Variants in MARCHF3 observed in about 807,000 individuals in gnomAD.
MARCHF3 encodes the protein membrane associated ring-CH-type finger 3, also known as E3 ubiquitin-protein ligase MARCHF3.
Under a neutral mutation model 24.2 loss-of-function variants are expected in MARCHF3, and 13 were observed. The observed-to-expected ratio is 0.54, with a 90% CI of 0.35 to 0.85. The LOEUF is 0.85. MARCHF3 is among the 40% of genes least tolerant of loss of function. The probability of loss-of-function intolerance (pLI) is 0.01; values close to 1 mark genes in which losing one functional copy is unlikely to be tolerated. For synonymous variants in MARCHF3, 144 were observed against 137.3 expected, an observed-to-expected ratio of 1.05 and a Z score of -0.34; for missense variants, 276 against 325.0, an observed-to-expected ratio of 0.85 and a Z score of 1.16.
intron 3 of MARCHF3, among the ~76,000 whole-genome samples, chr5:126,886,180 T>G (rs780359335): frequency 1.3e-5 from 2 of 152,108 alleles, no homozygotes; most frequent in Non-Finnish European, 2.9e-5. Context: ...TTATTCCCAT[T>G]TTGGATTAGG....
At chr5:126,893,548 TC>T (rs1580609231) in intron 3 of MARCHF3, among the ~76,000 whole-genome samples, 1 of 152,024 alleles carries the variant, frequency 6.6e-6, no homozygotes, top group Admixed American at 6.6e-5. Flanking sequence ...TCGTTATGTA[TC>T]CAGTAGTCAT....
intron 1 of MARCHF3, among the ~76,000 whole-genome samples, chr5:127,009,367 T>C (rs901696295): frequency 2.0e-5 from 3 of 152,182 alleles, no homozygotes; most frequent in African/African-American, 7.2e-5. Flanking sequence ...CCAATCTAGG[T>C]TGTTTTTCTG....
chr5:126,987,358 G>C (rs534385658), intron 1 of MARCHF3, among the ~76,000 whole-genome samples: 8 of 152,130 alleles, frequency 5.3e-5, no homozygotes, highest in Admixed American at 3.3e-4. Flanking sequence ...CAGAAAAAAA[G>C]AAAGAAAATA....
intron 1 of MARCHF3, among the ~76,000 whole-genome samples, chr5:127,020,649 A>C (rs532124420): frequency 1.3e-5 from 2 of 152,268 alleles, no homozygotes; most frequent in Non-Finnish European, 2.9e-5. Flanking sequence ...TCAGGAGTTC[A>C]TGATCAGACT....
At position 126,919,593 on chromosome 5, in the gene MARCHF3, A is replaced by G. The variant is rs115140977; in HGVS notation, c.-56-1366T>C. On this transcript the variant is annotated intron_variant, in intron 1 of 4. Coordinates refer to ENST00000308660, the MANE Select transcript of MARCHF3 (RefSeq NM_178450.5). ...GATCCCCATGGTTCTGGAAAACAGG[A>G]TCTTCCCAACTTCCAGAACAATGTG... Among the ~76,000 whole-genome samples, 1,196 of 152,312 alleles carry G rather than the reference A, an allele frequency of 7.9e-3. 10 individuals carry two copies. Among genetic ancestry groups the G allele is most frequent in the African/African-American group, 0.028 (1,145 of 41,566 alleles).
intron 3 of MARCHF3, among the ~76,000 whole-genome samples, chr5:126,908,131 G>C (rs977218285): frequency 2.6e-5 from 4 of 152,142 alleles, no homozygotes; most frequent in African/African-American, 9.7e-5. Flanking sequence ...TTTTCTTTAA[G>C]AATGTTGAAT....
chr5:126,983,765 T>C (rs184668562), intron 1 of MARCHF3, among the ~76,000 whole-genome samples: 100 of 152,226 alleles, frequency 6.6e-4, no homozygotes, highest in Admixed American at 3.0e-3. Context: ...GAGCGCAGGA[T>C]GCAAAGGGTT....
intron 1 of MARCHF3, among the ~76,000 whole-genome samples, chr5:126,941,560 A>G (rs542070753): frequency 6.6e-6 from 1 of 152,348 alleles, no homozygotes; most frequent in East Asian, 1.9e-4. Flanking sequence ...ATGCGTTAAT[A>G]GTGCCTTGTG....
intron 3 of MARCHF3, among the ~76,000 whole-genome samples, chr5:126,888,534 T>C (rs1206688762): frequency 6.6e-6 from 1 of 152,212 alleles, no homozygotes; most frequent in African/African-American, 2.4e-5. Flanking sequence ...TCTCTAATTA[T>C]TTTAGATCAT....
At chr5:127,008,058 AG>A (rs1752363291) in intron 1 of MARCHF3, among the ~76,000 whole-genome samples, 1 of 152,138 alleles carries the variant, frequency 6.6e-6, no homozygotes, top group Non-Finnish European at 1.5e-5. Flanking sequence ...AGAACAGAGG[AG>A]GTGCAAATGT....
chr5:126,981,083 G>A (rs1051048735), intron 1 of MARCHF3, among the ~76,000 whole-genome samples: 1 of 152,146 alleles, frequency 6.6e-6, no homozygotes, highest in East Asian at 1.9e-4. Flanking sequence ...GATTGTTAGT[G>A]TGCAGCACTC....
At chr5:126,991,553 A>G (rs980148761) in intron 1 of MARCHF3, among the ~76,000 whole-genome samples, 29 of 152,088 alleles carry the variant, frequency 1.9e-4, no homozygotes, top group African/African-American at 6.5e-4. Flanking sequence ...ATAATAATAA[A>G]ATAAAATAAT....
At chr5:127,028,308 T>C (rs1239702849) in intron 1 of MARCHF3, among the ~76,000 whole-genome samples, 5 of 152,240 alleles carry the variant, frequency 3.3e-5, no homozygotes, top group Non-Finnish European at 2.9e-5. Context: ...TTTTTTAAAG[T>C]ATCAGTCACT....
intron 1 of MARCHF3, among the ~76,000 whole-genome samples, chr5:127,002,801 T>C (rs978675697): frequency 5.9e-5 from 9 of 152,228 alleles, no homozygotes; most frequent in Non-Finnish European, 1.2e-4. Flanking sequence ...CAACCCCTTC[T>C]TGGAACATTT....
intron 3 of MARCHF3, 55 bp from the exon 4 acceptor site, chr5:126,878,449 G>GTCTCCACTCCA: frequency 6.6e-7 from 1 of 1,524,696 alleles, no homozygotes; most frequent in Non-Finnish European, 8.9e-7. Context: ...ATGCCAGTGT[G>GTCTCCACTCCA]GAGTGGAGAC....
chr5:126,974,196 C>T (rs1390384319), intron 1 of MARCHF3, among the ~76,000 whole-genome samples: 1 of 152,146 alleles, frequency 6.6e-6, no homozygotes, highest in Non-Finnish European at 1.5e-5. Context: ...CGCGCCCGGC[C>T]GCAAAATCTA....
intron 1 of MARCHF3, among the ~76,000 whole-genome samples, chr5:126,949,661 ACTTC>A (rs1409928675): frequency 6.6e-6 from 1 of 152,096 alleles, no homozygotes; most frequent in Non-Finnish European, 1.5e-5. Context: ...GTTTCCCCTT[ACTTC>A]CTTCCTGGTT....
intron 1 of MARCHF3, among the ~76,000 whole-genome samples, chr5:126,974,793 G>A (rs1284035383): frequency 9.2e-5 from 14 of 152,140 alleles, no homozygotes; most frequent in Non-Finnish European, 2.1e-4. Context: ...GTTTTTACAT[G>A]TTCAGTCATG....
chr5:126,910,236 G>A (rs1754469678), intron 3 of MARCHF3, among the ~76,000 whole-genome samples: 1 of 152,206 alleles, frequency 6.6e-6, no homozygotes, highest in African/African-American at 2.4e-5. Context: ...CCAGGCAAGG[G>A]TGGATGTTAT....
Sources: gnomAD v4.1 joint callset for allele counts (sites outside exome capture counted in the v4.1 genomes callset) on GRCh38, gnomAD v4.1.1 for gene constraint, MANE v1.5 for transcripts, NCBI Gene and HGNC (gene_info 2026-07-23, HGNC 2026-07-21) for gene names.